The following SYT14 variants were observed in gnomAD, a reference collection of about 807,000 sequenced individuals.
The protein encoded by SYT14 is synaptotagmin 14, also known as synaptotagmin-14.
Under a neutral mutation model 74.2 loss-of-function variants are expected in SYT14, and 32 were observed. The observed-to-expected ratio is 0.43, with a 90% confidence interval of 0.33 to 0.58. SYT14 has a LOEUF of 0.58. Ranked by LOEUF, SYT14 falls within the 20% of genes least tolerant of loss-of-function variation. SYT14 has a pLI of 0.05. For missense variants in SYT14, 791 were observed against 981.8 expected, an observed-to-expected ratio of 0.81 and a Z score of 2.60; for synonymous variants, 298 against 337.7, an observed-to-expected ratio of 0.88 and a Z score of 1.29.
At chr1:210,069,210 G>T (rs983385104) in intron 5 of SYT14, among the ~76,000 whole-genome samples, 2 of 151,500 alleles carry the variant, frequency 1.3e-5, no homozygotes, top group Admixed American at 6.6e-5. Context: ...TGTGTCAAGG[G>T]GATTAATATC....
At chr1:210,066,909 A>G (rs1572241498) in intron 5 of SYT14, among the ~76,000 whole-genome samples, 2 of 152,096 alleles carry the variant, frequency 1.3e-5, no homozygotes, top group East Asian at 3.8e-4. Context: ...AGTGTCATAA[A>G]AAATTTTTCA....
At chr1:210,095,603 C>T (rs1027971613) in intron 6 of SYT14, among the ~76,000 whole-genome samples, 1 of 152,164 alleles carries the variant, frequency 6.6e-6, no homozygotes, top group African/African-American at 2.4e-5. Context: ...TTCCAGACAA[C>T]ATTCAGTAAT....
At chr1:210,054,682 C>T (rs1297294771) in intron 5 of SYT14, among the ~76,000 whole-genome samples, 1 of 152,118 alleles carries the variant, frequency 6.6e-6, no homozygotes, top group Non-Finnish European at 1.5e-5. Flanking sequence ...ATTTCAGACT[C>T]CCACATGTCA....
exon 10 of SYT14, chr1:210,171,021 AC>A (rs1426489947): frequency 6.6e-6 from 1 of 152,126 alleles, no homozygotes; most frequent in Non-Finnish European, 1.5e-5. Context: ...TTGTTCTTTC[AC>A]TTAATGTGAA....
chr1:209,938,390 G>A (rs2102629436), intron 1 of SYT14, 113 bp downstream of exon 1: 1 of 1,089,366 alleles, frequency 9.2e-7, no homozygotes, highest in Middle Eastern at 2.6e-4. Flanking sequence ...GTGGTCTGGA[G>A]CCGGCTGAAG....
intron 2 of SYT14, among the ~76,000 whole-genome samples, chr1:210,000,355 A>G (rs550064388): frequency 1.3e-5 from 2 of 152,130 alleles, no homozygotes; most frequent in South Asian, 4.1e-4. Flanking sequence ...TATACATGTA[A>G]AATACGTGGG....
intron 2 of SYT14, chr1:209,953,195 G>T: frequency 7.8e-7 from 1 of 1,287,690 alleles, no homozygotes; most frequent in Non-Finnish European, 1.0e-6. Flanking sequence ...ACCAACAACT[G>T]TCTATGCTTC....
intron 5 of SYT14, among the ~76,000 whole-genome samples, chr1:210,085,914 C>G (rs193103518): frequency 6.6e-6 from 1 of 152,204 alleles, no homozygotes; most frequent in East Asian, 1.9e-4. Flanking sequence ...TAAGTAGTCC[C>G]TCTTTTTTGT....
At chr1:210,168,334 T>A (rs2083478331) in exon 10 of SYT14, 1 of 152,206 alleles carries the variant, frequency 6.6e-6, no homozygotes, top group Non-Finnish European at 1.5e-5. Flanking sequence ...TAAATTGTCT[T>A]ATTAGGACCC....
At chr1:210,153,182 G>T (rs185178097) in intron 7 of SYT14, among the ~76,000 whole-genome samples, 1 of 152,120 alleles carries the variant, frequency 6.6e-6, no homozygotes, top group Admixed American at 6.6e-5. Context: ...TTAAAACATT[G>T]GTATCACTCC....
chr1:209,942,360 A>ACCCCCC (rs34726566), intron 1 of SYT14, among the ~76,000 whole-genome samples: 1 of 74,638 alleles, frequency 1.3e-5, no homozygotes, highest in African/African-American at 9.5e-5. Context: ...ATGCAAATTT[A>ACCCCCC]CCCCCCCCCC....
chr1:210,148,724 G>GAA (rs1380210184), intron 7 of SYT14, among the ~76,000 whole-genome samples: 1 of 152,022 alleles, frequency 6.6e-6, no homozygotes, highest in African/African-American at 2.4e-5. Context: ...AAGAAAGAAA[G>GAA]AGGAAAAAAA....
chr1:210,089,950 C>G (rs980121455), intron 5 of SYT14, among the ~76,000 whole-genome samples: 5 of 152,194 alleles, frequency 3.3e-5, no homozygotes, highest in Admixed American at 3.3e-4. Context: ...AGCGGTTTCC[C>G]ATTGGTTACT....
At position 210,100,496 on chromosome 1, in the gene SYT14, A is replaced by G. The variant is rs376821781; in HGVS notation, c.2034+35A>G. The stretch of plus-strand genomic sequence containing the variant: ...TCATCAAATGGCCTGAATACAGTTT[A>G]TGTTCATGGTTTATAGTATGCACAA... On this transcript the variant is annotated intron_variant, in intron 7 of 9. Coordinates refer to ENST00000637265, the Ensembl canonical transcript of SYT14. The G allele has an allele frequency of 7.8e-4, 1,245 of 1,592,154 alleles. 1 individual carries two copies. The highest frequency in any genetic ancestry group is 3.4e-3 in the East Asian group (152 of 44,718).
At chr1:210,124,021 G>A (rs1173231096) in intron 7 of SYT14, among the ~76,000 whole-genome samples, 8 of 152,266 alleles carry the variant, frequency 5.3e-5, no homozygotes, top group African/African-American at 1.7e-4. Flanking sequence ...AGAAGGGTCA[G>A]TACGAGGATT....
chr1:210,154,732 A>G (rs4844953), intron 7 of SYT14, among the ~76,000 whole-genome samples: 39,524 of 152,054 alleles, frequency 0.26, 6,659 homozygotes, highest in African/African-American at 0.48. Context: ...TAGATATTTT[A>G]TTCTCCTCTA....
intron 5 of SYT14, among the ~76,000 whole-genome samples, chr1:210,086,065 A>T (rs1224220839): frequency 6.6e-6 from 1 of 152,144 alleles, no homozygotes; most frequent in African/African-American, 2.4e-5. Context: ...TAATAGATAA[A>T]AGATTATATA....
intron 2 of SYT14, among the ~76,000 whole-genome samples, chr1:209,984,741 G>C (rs1289755181): frequency 6.6e-6 from 1 of 152,162 alleles, no homozygotes; most frequent in Non-Finnish European, 1.5e-5. Context: ...TCACGGTTCT[G>C]CAGGCTGTAT....
At chr1:209,940,421 G>C (rs957684974) in intron 1 of SYT14, among the ~76,000 whole-genome samples, 2 of 151,296 alleles carry the variant, frequency 1.3e-5, no homozygotes, top group African/African-American at 4.9e-5. Context: ...GATTCCATGG[G>C]GCCAAAAAGA....
Sources: gnomAD v4.1 joint callset for allele counts (sites outside exome capture counted in the v4.1 genomes callset) on GRCh38, gnomAD v4.1.1 for gene constraint, MANE v1.5 for transcripts, NCBI Gene and HGNC (gene_info 2026-07-23, HGNC 2026-07-21) for gene names.